The following ST18 variants were observed in gnomAD, a reference collection of about 807,000 sequenced individuals.
ST18 encodes ST18 C2H2C-type zinc finger transcription factor.
Under a neutral mutation model 110.0 loss-of-function variants are expected in ST18, and 50 were observed. That is an observed-to-expected ratio of 0.45 (90% CI 0.36 to 0.58). The LOEUF is 0.58. Ranked by LOEUF, ST18 falls within the 20% of genes least tolerant of loss-of-function variation. The pLI is 0.00. For missense variants in ST18, 1,306 were observed against 1,280.1 expected (o/e 1.02, Z -0.31); for synonymous variants, 461 against 452.4 (o/e 1.02, Z -0.24).
At chr8:52,152,277 GC>G (rs2132615523) in intron 15 of ST18, among the ~76,000 whole-genome samples, 1 of 152,266 alleles carries the variant, frequency 6.6e-6, no homozygotes, top group South Asian at 2.1e-4. Flanking sequence ...TACAGCATGG[GC>G]TTTTATTCAG....
At chr8:52,255,900 A>G (rs1197690057) in intron 2 of ST18, among the ~76,000 whole-genome samples, 1 of 152,236 alleles carries the variant, frequency 6.6e-6, no homozygotes, top group African/African-American at 2.4e-5. Context: ...TAAATTGTTC[A>G]AGGTCCCTTG....
chr8:52,382,100 G>A (rs1834804183), intron 2 of ST18, among the ~76,000 whole-genome samples: 1 of 152,120 alleles, frequency 6.6e-6, no homozygotes, highest in South Asian at 2.1e-4. Flanking sequence ...TTTGGGGTTT[G>A]TTTGTTATTT....
intron 8 of ST18, among the ~76,000 whole-genome samples, chr8:52,209,782 A>ATATAT (rs1307520444): frequency 2.2e-5 from 3 of 138,860 alleles, no homozygotes; most frequent in African/African-American, 8.1e-5. Flanking sequence ...AAAAAAAAAA[A>ATATAT]AAAAAAATAT....
At chr8:52,197,330 C>T (rs2076481252) in intron 8 of ST18, among the ~76,000 whole-genome samples, 1 of 152,210 alleles carries the variant, frequency 6.6e-6, no homozygotes, top group Non-Finnish European at 1.5e-5. Flanking sequence ...CTCTGTAACA[C>T]ATCATGTCCA....
At chr8:52,245,011 T>C (rs527593937) in intron 2 of ST18, among the ~76,000 whole-genome samples, 1 of 152,302 alleles carries the variant, frequency 6.6e-6, no homozygotes, top group East Asian at 1.9e-4. Context: ...AGCCTCAATC[T>C]TTTCCTGATT....
intron 16 of ST18, among the ~76,000 whole-genome samples, chr8:52,146,844 G>A (rs546567666): frequency 6.6e-6 from 1 of 152,346 alleles, no homozygotes; most frequent in South Asian, 2.1e-4. Context: ...AGGAGTTAGA[G>A]TGATTCAGAA....
At chr8:52,287,978 G>A (rs2095495858) in intron 2 of ST18, among the ~76,000 whole-genome samples, 1 of 152,188 alleles carries the variant, frequency 6.6e-6, no homozygotes, top group South Asian at 2.1e-4. Flanking sequence ...AGCTCAGAGG[G>A]TCGGGAAATA....
At chr8:52,241,675 A>C (rs1475487670) in intron 2 of ST18, among the ~76,000 whole-genome samples, 1 of 152,380 alleles carries the variant, frequency 6.6e-6, no homozygotes, top group East Asian at 1.9e-4. Flanking sequence ...AACTGATTGC[A>C]CAGAACCTAA....
intron 2 of ST18, among the ~76,000 whole-genome samples, chr8:52,235,705 A>T (rs570220186): frequency 6.6e-6 from 1 of 152,332 alleles, no homozygotes; most frequent in Non-Finnish European, 1.5e-5. Flanking sequence ...TGAAGTAGGA[A>T]ATAATCTTAT....
chr8:52,249,100 T>C (rs77951986), intron 2 of ST18, among the ~76,000 whole-genome samples: 2,947 of 152,252 alleles, frequency 0.019, 87 homozygotes, highest in African/African-American at 0.068. Flanking sequence ...CTCCAACAAA[T>C]AGCCTACCTC....
At chr8:52,244,584 A>G (rs1589211504) in intron 2 of ST18, among the ~76,000 whole-genome samples, 1 of 152,162 alleles carries the variant, frequency 6.6e-6, no homozygotes, top group Non-Finnish European at 1.5e-5. Flanking sequence ...AACTTCCTCT[A>G]CCATTAAAAT....
intron 5 of ST18, among the ~76,000 whole-genome samples, chr8:52,219,551 A>C (rs1030757271): frequency 6.6e-6 from 1 of 152,178 alleles, no homozygotes; most frequent in Non-Finnish European, 1.5e-5. Flanking sequence ...CAGAGAACTG[A>C]AGAATCGAAG....
chr8:52,166,374 TG>T (rs2062987552), intron 11 of ST18, among the ~76,000 whole-genome samples: 1 of 152,144 alleles, frequency 6.6e-6, no homozygotes, highest in African/African-American at 2.4e-5. Flanking sequence ...GCTCACCCTC[TG>T]GGGCACTGTT....
chr8:52,198,049 C>T lies in ST18; in HGVS notation c.86+14030G>A, dbSNP rs1463026019. ...TTTGTTTTTGAGACGGAGTCTTGCT[C>T]TGTCACCCAGGCTGGAGTGCAATGT... On this transcript the variant is annotated intron_variant, in intron 8 of 25. Coordinates refer to ENST00000689386, the MANE Select transcript of ST18 (RefSeq NM_001352837.2). 2.0e-5 allele frequency among the ~76,000 whole-genome samples: 3 copies of T among 152,178 alleles called. No homozygotes were observed. In the South Asian group the frequency reaches 6.2e-4, roughly 31 times the overall value.
intron 2 of ST18, among the ~76,000 whole-genome samples, chr8:52,327,126 A>C (rs989749793): frequency 1.3e-5 from 2 of 152,214 alleles, no homozygotes; most frequent in East Asian, 3.8e-4. Context: ...CAAAAGTGAT[A>C]ATTCTTCTAT....
chr8:52,127,969 T>G (rs2047731089), intron 22 of ST18, among the ~76,000 whole-genome samples: 3 of 139,620 alleles, frequency 2.1e-5, no homozygotes, highest in Admixed American at 2.0e-4. Flanking sequence ...TATGACATAT[T>G]AAGGGATTTT....
chr8:52,406,012 A>T (rs1169255195), intron 2 of ST18: 1 of 152,228 alleles, frequency 6.6e-6, no homozygotes, highest in East Asian at 1.9e-4. Flanking sequence ...TCCCACTTAC[A>T]GAGCTCCATG....
chr8:52,303,405 C>G (rs2095761129), intron 2 of ST18, among the ~76,000 whole-genome samples: 1 of 152,250 alleles, frequency 6.6e-6, no homozygotes, highest in Non-Finnish European at 1.5e-5. Flanking sequence ...TAAGATCACT[C>G]TAATCCAGCA....
intron 8 of ST18, among the ~76,000 whole-genome samples, chr8:52,188,843 C>T (rs747791111): frequency 7.2e-5 from 11 of 152,100 alleles, no homozygotes; most frequent in Non-Finnish European, 1.2e-4. Context: ...GTCAAGAATG[C>T]CTACAAGGTT....
Sources: allele counts gnomAD v4.1 joint callset (sites outside exome capture counted in the v4.1 genomes callset), GRCh38; gene constraint gnomAD v4.1.1; transcripts MANE v1.5; gene names NCBI Gene and HGNC (gene_info 2026-07-23, HGNC 2026-07-21).